ARID5B: variants seen among roughly 807,000 people sequenced by gnomAD.
ARID5B encodes AT-rich interactive domain-containing protein 5B.
In ARID5B, 13 loss-of-function variants were observed where a neutral mutation model predicts 97.2. The observed-to-expected ratio is 0.13, with a 90% CI of 0.09 to 0.21. The LOEUF (loss-of-function observed/expected upper bound fraction) is 0.21, where lower values mean the gene tolerates loss of function less well. Among genes scored for constraint, ARID5B ranks in the 10% least tolerant of loss-of-function variants. ARID5B has a pLI of 1.00. For missense variants in ARID5B, 1,210 were observed against 1,465.3 expected (o/e 0.83, Z 2.84); for synonymous variants, 556 against 570.3 (o/e 0.97, Z 0.36).
intron 2 of ARID5B, among the ~76,000 whole-genome samples, chr10:61,907,141 T>A (rs1312607039): frequency 6.6e-6 from 1 of 152,366 alleles, no homozygotes; most frequent in South Asian, 2.1e-4. Context: ...ATCTTTCATC[T>A]CCATGTTGGC....
At chr10:61,908,214 C>T (rs1277445638) in intron 2 of ARID5B, among the ~76,000 whole-genome samples, 5 of 152,138 alleles carry the variant, frequency 3.3e-5, no homozygotes, top group African/African-American at 1.2e-4. Context: ...AAAAACTACT[C>T]GTGAAGTTCT....
intron 4 of ARID5B, among the ~76,000 whole-genome samples, chr10:62,014,489 G>T (rs911969564): frequency 6.6e-6 from 1 of 152,162 alleles, no homozygotes; most frequent in Non-Finnish European, 1.5e-5. Flanking sequence ...AAAAGGCTTT[G>T]CTAGGTAAAA....
chr10:62,029,088 TTC>T (rs1199849515), intron 4 of ARID5B, among the ~76,000 whole-genome samples: 2 of 152,176 alleles, frequency 1.3e-5, no homozygotes, highest in African/African-American at 4.8e-5. Context: ...TCCAAAACTG[TTC>T]GTGGGACACT....
At chr10:61,999,339 A>G (rs1839044612) in intron 3 of ARID5B, among the ~76,000 whole-genome samples, 1 of 152,250 alleles carries the variant, frequency 6.6e-6, no homozygotes, top group Non-Finnish European at 1.5e-5. Flanking sequence ...TGTAAGCTGA[A>G]AATATCAAGT....
intron 2 of ARID5B, among the ~76,000 whole-genome samples, chr10:61,906,703 A>C (rs1292200739): frequency 6.6e-6 from 1 of 152,232 alleles, no homozygotes; most frequent in Non-Finnish European, 1.5e-5. Context: ...GAATTAAAAA[A>C]TGCTAAAAAT....
At chr10:62,061,058 C>T (rs984780760) in intron 7 of ARID5B, among the ~76,000 whole-genome samples, 1 of 152,198 alleles carries the variant, frequency 6.6e-6, no homozygotes, top group Admixed American at 6.5e-5. Context: ...CAGCAAAACA[C>T]CTGACCACAT....
At chr10:62,077,095 T>A (rs982648466) in intron 8 of ARID5B, among the ~76,000 whole-genome samples, 9 of 152,222 alleles carry the variant, frequency 5.9e-5, no homozygotes, top group African/African-American at 2.2e-4. Context: ...AGCTTGTTCT[T>A]ACAGGGCTCT....
At chr10:61,973,212 T>C (rs969081969) in intron 3 of ARID5B, among the ~76,000 whole-genome samples, 2 of 152,060 alleles carry the variant, frequency 1.3e-5, no homozygotes, top group African/African-American at 4.8e-5. Flanking sequence ...TGTTTGTATG[T>C]GGCGGGGGAG....
intron 3 of ARID5B, among the ~76,000 whole-genome samples, chr10:61,990,352 T>C (rs1054690942): frequency 3.3e-5 from 5 of 152,228 alleles, no homozygotes; most frequent in Admixed American, 6.5e-5. Flanking sequence ...TAAAATGAGA[T>C]GACTGCCTAA....
chr10:61,923,127 A>G (rs1437871654), intron 2 of ARID5B, among the ~76,000 whole-genome samples: 2 of 152,208 alleles, frequency 1.3e-5, no homozygotes, highest in Non-Finnish European at 2.9e-5. Flanking sequence ...AGACATACAC[A>G]TGGGGCATGT....
intron 8 of ARID5B, among the ~76,000 whole-genome samples, chr10:62,070,068 T>G (rs1840043498): frequency 6.6e-6 from 1 of 152,028 alleles, no homozygotes; most frequent in Non-Finnish European, 1.5e-5. Context: ...AAGCATAGAT[T>G]ACTCAGGATG....
At chr10:61,989,151 G>T (rs1042264066) in intron 3 of ARID5B, among the ~76,000 whole-genome samples, 1 of 151,908 alleles carries the variant, frequency 6.6e-6, no homozygotes, top group Non-Finnish European at 1.5e-5. Flanking sequence ...GGATGGTCTC[G>T]ATCTCCTGAT....
chr10:61,985,905 T>C (rs1838840800), intron 3 of ARID5B, among the ~76,000 whole-genome samples: 1 of 152,090 alleles, frequency 6.6e-6, no homozygotes, highest in South Asian at 2.1e-4. Flanking sequence ...TCATCTGTTT[T>C]TGAGATTATC....
intron 3 of ARID5B, among the ~76,000 whole-genome samples, chr10:61,986,504 A>G (rs547157452): frequency 1.3e-5 from 2 of 152,152 alleles, no homozygotes; most frequent in Non-Finnish European, 2.9e-5. Flanking sequence ...TGATCAGGGA[A>G]ACACTAACTT....
At chr10:61,916,043 A>G (rs1272005642) in intron 2 of ARID5B, among the ~76,000 whole-genome samples, 1 of 151,254 alleles carries the variant, frequency 6.6e-6, no homozygotes, top group Non-Finnish European at 1.5e-5. Context: ...GGCGTGAGCC[A>G]CCGTGTCTAG....
intron 7 of ARID5B, 48 bp from the exon 8 acceptor site, chr10:62,069,652 T>C: frequency 1.3e-6 from 2 of 1,530,880 alleles, no homozygotes; most frequent in East Asian, 2.3e-5. Context: ...CCTGGCACTA[T>C]GAATCTCTTA....
At chr10:61,936,831 CCCTTTT>C (rs56026666) in intron 2 of ARID5B, among the ~76,000 whole-genome samples, 145,143 of 145,620 alleles carry the variant, frequency 1, 72,333 homozygotes, top group Middle Eastern at 1. Flanking sequence ...ACCTGGGTTT[CCCTTTT>C]TTTCTTCCCC....
In ARID5B at chr10:61,952,941, C is replaced by T. The variant is rs115765687; in HGVS notation, c.502+12533C>T. ...GGGAATCTTCTTCGTGTTTCAGGGT[C>T]ATAGTAGTGACAAAAATATGCAGGG... On this transcript the variant is annotated intron_variant, in intron 3 of 9. Transcript: ENST00000279873. Among the ~76,000 whole-genome samples, 699 of 152,040 alleles carry T rather than the reference C, an allele frequency of 4.6e-3. 8 individuals carry two copies. Among genetic ancestry groups the T allele is most frequent in the African/African-American group, 0.016 (659 of 41,474 alleles).
At chr10:61,973,866 GC>G (rs1838663991) in intron 3 of ARID5B, among the ~76,000 whole-genome samples, 1 of 152,200 alleles carries the variant, frequency 6.6e-6, no homozygotes, top group African/African-American at 2.4e-5. Context: ...GATGTAAGAT[GC>G]TTTTACAGTG....
Sources: gnomAD v4.1 joint callset for allele counts (sites outside exome capture counted in the v4.1 genomes callset) on GRCh38, gnomAD v4.1.1 for gene constraint, MANE v1.5 for transcripts, NCBI Gene and HGNC (gene_info 2026-07-23, HGNC 2026-07-21) for gene names.